PXDNL: variants seen among roughly 807,000 people sequenced by gnomAD.
PXDNL encodes the protein probable oxidoreductase PXDNL.
A neutral mutation model predicts 150.8 loss-of-function variants in PXDNL; 145 were observed. The observed-to-expected ratio is 0.96, with a 90% CI of 0.84 to 1.10. The LOEUF (loss-of-function observed/expected upper bound fraction) is 1.10. Among genes scored for constraint, PXDNL ranks in the 50% least tolerant of loss-of-function variants. The pLI, the probability that PXDNL is intolerant of heterozygous loss-of-function variation, is 0.00. For synonymous variants in PXDNL, 757 were observed against 725.7 expected (o/e 1.04, Z -0.69); for missense variants, 2,087 against 1,873.9 (o/e 1.11, Z -2.10).
At chr8:51,650,078 A>C (rs573043447) in intron 2 of PXDNL, among the ~76,000 whole-genome samples, 205 of 146,768 alleles carry the variant, frequency 1.4e-3, no homozygotes, top group African/African-American at 5.0e-3. Context: ...CTCCAGCCTC[A>C]ACAACAGAGA....
At chr8:51,549,822 T>C (rs1812443095) in intron 4 of PXDNL, among the ~76,000 whole-genome samples, 1 of 151,144 alleles carries the variant, frequency 6.6e-6, no homozygotes, top group Non-Finnish European at 1.5e-5. Flanking sequence ...AGAAAAGAAA[T>C]AACAATGATC....
intron 4 of PXDNL, among the ~76,000 whole-genome samples, chr8:51,521,377 T>C (rs1474232982): frequency 6.6e-6 from 1 of 151,974 alleles, no homozygotes; most frequent in Non-Finnish European, 1.5e-5. Flanking sequence ...ACAAAAATGC[T>C]CCAGCCTCAT....
Position 51,747,341 on chromosome 8 carries a change from TC to T in PXDNL, c.164+61839del, listed in dbSNP as rs555076448. Among the ~76,000 whole-genome samples the T allele has an allele frequency of 4.4e-3, 669 of 152,336 alleles. 6 individuals are homozygous for T. The highest frequency in any genetic ancestry group is 0.015 in the African/African-American group (632 of 41,578). On this transcript the variant is annotated intron_variant, in intron 1 of 22. Coordinates refer to ENST00000356297, the MANE Select transcript of PXDNL (RefSeq NM_144651.5). ...CATTCTTCTACGTTGCTCTTTGCCA[TC>T]TTTGCCACCACCATCAGGTGAACTC...
In PXDNL at chr8:51,672,084, C is replaced by T. The variant is rs566331448; in HGVS notation, c.165-17324G>A. Among the ~76,000 whole-genome samples, 10 of 152,226 alleles carry T rather than the reference C, an allele frequency of 6.6e-5. No individual in the cohort carries two copies. In the South Asian group the frequency reaches 1.0e-3, roughly 16 times the overall value. On this transcript the variant is annotated intron_variant, in intron 1 of 22. Transcript: ENST00000356297. Reference sequence around the variant, plus strand: ...ACAAAATTCGCCTCCCAGGTTCAAGCGATTCTTGTGCCTCAGCCTCCCAAG... The same window carrying T: ...ACAAAATTCGCCTCCCAGGTTCAAGTGATTCTTGTGCCTCAGCCTCCCAAG...
chr8:51,665,633 T>A (rs1215188616), intron 1 of PXDNL, among the ~76,000 whole-genome samples: 3 of 152,216 alleles, frequency 2.0e-5, no homozygotes, highest in Non-Finnish European at 4.4e-5. Flanking sequence ...ATATTGCTAG[T>A]GAATGAATCA....
At chr8:51,587,867 C>T (rs906457856) in intron 3 of PXDNL, among the ~76,000 whole-genome samples, 28 of 152,128 alleles carry the variant, frequency 1.8e-4, no homozygotes, top group African/African-American at 6.5e-4. Flanking sequence ...ATTCTAGATG[C>T]TGACCTATGT....
chr8:51,787,367 A>G (rs1196815533), intron 1 of PXDNL, among the ~76,000 whole-genome samples: 6 of 152,254 alleles, frequency 3.9e-5, no homozygotes, highest in Non-Finnish European at 7.3e-5. Context: ...ACCTTCTGGA[A>G]AAGATTCACC....
chr8:51,629,966 A>C (rs1814457543), intron 2 of PXDNL, among the ~76,000 whole-genome samples: 1 of 152,094 alleles, frequency 6.6e-6, no homozygotes, highest in African/African-American at 2.4e-5. Flanking sequence ...CCAAAAAAAA[A>C]CCCATATAGC....
intron 1 of PXDNL, among the ~76,000 whole-genome samples, chr8:51,805,595 C>A (rs1181614193): frequency 1.3e-5 from 2 of 151,736 alleles, no homozygotes; most frequent in East Asian, 3.9e-4. Context: ...CATTTCCCCA[C>A]CCCCATCTTG....
At chr8:51,422,904 T>G (rs1808993108) in intron 14 of PXDNL, among the ~76,000 whole-genome samples, 1 of 152,212 alleles carries the variant, frequency 6.6e-6, no homozygotes, top group Non-Finnish European at 1.5e-5. Context: ...TTCAGTACAG[T>G]CTACTCAAGT....
At chr8:51,650,646 TG>T (rs1313271502) in intron 2 of PXDNL, among the ~76,000 whole-genome samples, 1 of 152,176 alleles carries the variant, frequency 6.6e-6, no homozygotes, top group African/African-American at 2.4e-5. Context: ...GCAGAAGACT[TG>T]GTCTCATGTT....
intron 3 of PXDNL, among the ~76,000 whole-genome samples, chr8:51,570,526 C>T (rs1246500138): frequency 6.6e-6 from 1 of 151,834 alleles, no homozygotes; most frequent in East Asian, 1.9e-4. Context: ...AAGAAACTTT[C>T]ATTTTTCTTT....
intron 1 of PXDNL, among the ~76,000 whole-genome samples, chr8:51,782,590 CAAG>C (rs887568501): frequency 6.6e-5 from 10 of 152,220 alleles, no homozygotes; most frequent in African/African-American, 2.2e-4. Context: ...TTGTTCCACA[CAAG>C]AATACTTACA....
At chr8:51,654,594 A>G in intron 2 of PXDNL, 95 bp downstream of exon 2, 1 of 885,454 alleles carries the variant, frequency 1.1e-6, no homozygotes. Flanking sequence ...TTCTTCTACT[A>G]GCTGTTCTTG....
chr8:51,447,613 C>T (rs1809705348), intron 11 of PXDNL, among the ~76,000 whole-genome samples: 1 of 152,078 alleles, frequency 6.6e-6, no homozygotes, highest in Non-Finnish European at 1.5e-5. Context: ...GATTTTGTGA[C>T]ATTCATGCTG....
chr8:51,637,780 G>A (rs1368247353), intron 2 of PXDNL, among the ~76,000 whole-genome samples: 1 of 152,200 alleles, frequency 6.6e-6, no homozygotes, highest in Non-Finnish European at 1.5e-5. Flanking sequence ...ACACTCTTCA[G>A]GATATTATCC....
At chr8:51,590,440 A>G (rs1192820978) in intron 3 of PXDNL, among the ~76,000 whole-genome samples, 3 of 152,070 alleles carry the variant, frequency 2.0e-5, no homozygotes, top group Non-Finnish European at 4.4e-5. Context: ...GGAAGGTCAT[A>G]GGCATGAGAC....
intron 1 of PXDNL, among the ~76,000 whole-genome samples, chr8:51,782,729 C>G (rs1030410041): frequency 3.9e-5 from 6 of 152,204 alleles, no homozygotes; most frequent in African/African-American, 1.4e-4. Flanking sequence ...GGCTTCCAAC[C>G]AACGTCTCCA....
intron 1 of PXDNL, among the ~76,000 whole-genome samples, chr8:51,701,437 A>C (rs1239000747): frequency 1.3e-5 from 2 of 152,118 alleles, no homozygotes; most frequent in Non-Finnish European, 2.9e-5. Flanking sequence ...AATTATAATC[A>C]TTTTCTCCTT....
Sources: allele counts gnomAD v4.1 joint callset (sites outside exome capture counted in the v4.1 genomes callset), GRCh38; gene constraint gnomAD v4.1.1; transcripts MANE v1.5; gene names NCBI Gene and HGNC (gene_info 2026-07-23, HGNC 2026-07-21).